RRP12: variants seen among roughly 807,000 people sequenced by gnomAD.
RRP12 encodes the protein ribosomal RNA processing 12 homolog.
RRP12 carries 78 observed loss-of-function variants against 157.3 expected under a neutral mutation model. The observed-to-expected ratio is 0.50, with a 90% CI of 0.41 to 0.60. The LOEUF is 0.60. RRP12 is among the 20% of genes least tolerant of loss of function. The pLI is 0.00. For missense variants in RRP12, 1,521 were observed against 1,679.9 expected, an observed-to-expected ratio of 0.91 and a Z score of 1.65; for synonymous variants, 726 against 670.9, an observed-to-expected ratio of 1.08 and a Z score of -1.27.
At chr10:97,371,248 C>G in intron 20 of RRP12, 167 bp from the exon 21 acceptor site, 2 of 709,642 alleles carry the variant, frequency 2.8e-6, no homozygotes, top group Non-Finnish European at 4.7e-6. Context: ...AACTCCTGGG[C>G]GAGGCACAGG....
In RRP12 at chr10:97,370,709, C is replaced by T. The variant is rs1455360436; in HGVS notation, c.2583+7G>A. 2 of 1,614,012 alleles carry T rather than the reference C, an allele frequency of 1.2e-6. No homozygotes were observed. Among genetic ancestry groups the T allele is most frequent in the African/African-American group, 1.3e-5 (1 of 75,034 alleles). ...GACCCCCCTCTAAAACACACCCGCA[C>T]ACTCACCTCTGGGATGAGGGCAGTG... On this transcript the variant is annotated splice_region_variant and intron_variant, in intron 22 of 33. Transcript: ENST00000370992.
At chr10:97,360,679 G>T in intron 30 of RRP12, 61 bp from the exon 31 acceptor site, 2 of 1,265,060 alleles carry the variant, frequency 1.6e-6, no homozygotes, top group Non-Finnish European at 2.3e-6. Flanking sequence ...CCTCGGGAAT[G>T]CCAACAGTAA....
intron 25 of RRP12, among the ~76,000 whole-genome samples, chr10:97,368,182 C>G (rs375702140): frequency 3.2e-4 from 48 of 151,446 alleles, no homozygotes; most frequent in East Asian, 1.8e-3. Flanking sequence ...AGGCGCGCAC[C>G]ACCATGCCTG....
In RRP12 at chr10:97,367,102, T is replaced by C. The variant is rs1844010244; in HGVS notation, c.2986A>G (p.Met996Val). 6.2e-7 allele frequency: 1 copy of C among 1,614,092 alleles called. No homozygotes were observed. The highest frequency in any genetic ancestry group is 1.7e-5 in the Admixed American group (1 of 60,004). Reference sequence around the variant, plus strand: ...AGCTTCATGCGGAAGTGCCGCCGCATGTCATCTGAAAGCTTCCCAATGGCT... The same window carrying C: ...AGCTTCATGCGGAAGTGCCGCCGCACGTCATCTGAAAGCTTCCCAATGGCT... ...MEAIGKLSDD[M>V]RRHFRMKLRN... The change falls in exon 26 of 34, where the codon ATG becomes GTG. Residue 996 changes from methionine to valine, a missense_variant. Met to Val is a conservative substitution (Grantham distance 21). Transcript: ENST00000370992.
At chr10:97,367,272 C>A in intron 25 of RRP12, 140 bp from the exon 26 acceptor site, 1 of 681,622 alleles carries the variant, frequency 1.5e-6, no homozygotes, top group Non-Finnish European at 2.5e-6. Flanking sequence ...GGCCCACACC[C>A]TGGCCCAGTC....
At position 97,366,821 on chromosome 10, in the gene RRP12, G is replaced by A. The variant is rs1263627467; in HGVS notation, c.3136C>T (p.Arg1046Ter). ...TCCACGGCAGCCTGGCTCAGGGCTCGGTGCCTCTTGGCCCGGGCCTCAGCT... is the reference window on the plus strand; with the variant it reads ...TCCACGGCAGCCTGGCTCAGGGCTCAGTGCCTCTTGGCCCGGGCCTCAGCT... ...RKAEARAKRH[R>*]ALSQAAVEEE... Residue 1046 changes from arginine (R) to a stop codon, truncating the protein, a stop_gained, in exon 27 of 34, where the codon CGA becomes TGA. Coordinates refer to ENST00000370992, the MANE Select transcript of RRP12 (RefSeq NM_015179.4). LOFTEE classifies it high-confidence loss of function. The A allele has an allele frequency of 3.1e-6, 5 of 1,614,114 alleles. No individual in the cohort carries two copies. The highest frequency in any genetic ancestry group is 3.4e-6 in the Non-Finnish European group (4 of 1,180,024).
rs546395817 is a variant in RRP12, at chr10:97,390,812, G to A, written c.563C>T (p.Ser188Phe). ...VPSPVLIKKF[S>F]DTSKAFMDIM... ...ATCCATGAAGGCTTTGGAGGTATCA[G>A]AGAACTTCTTAATAAGCACAGGGCT... Residue 188 changes from serine (S) to phenylalanine (F), a missense_variant, in exon 5 of 34, where the codon TCT becomes TTT. Transcript: ENST00000370992. The A allele has an allele frequency of 1.9e-5, 30 of 1,613,704 alleles. No homozygotes were observed. In the South Asian group the frequency reaches 3.1e-4, roughly 17 times the overall value.
intron 1 of RRP12, 70 bp from the exon 2 acceptor site, chr10:97,400,604 A>C (rs1845118718): frequency 1.5e-6 from 2 of 1,297,726 alleles, no homozygotes; most frequent in Non-Finnish European, 2.2e-6. Context: ...ACCCCTGGGA[A>C]ACAAACCAGC....
chr10:97,396,426 C>T, intron 2 of RRP12, 125 bp from the exon 3 acceptor site: 1 of 743,130 alleles, frequency 1.3e-6, no homozygotes, highest in Non-Finnish European at 2.4e-6. Context: ...AGACAGGCAA[C>T]ATTCAGGGCC....
intron 29 of RRP12, chr10:97,365,766 TAAAAAAA>T: frequency 5.8e-6 from 1 of 171,334 alleles, no homozygotes. Flanking sequence ...AAGTTTGCAT[TAAAAAAA>T]AAAAAAAAAG....
Position 97,358,608 on chromosome 10 carries a change from AC to A in RRP12, c.3719del (p.Gly1240ValfsTer3). 6.2e-7 allele frequency: 1 copy of A among 1,613,180 alleles called. No individual in the cohort carries two copies. The highest frequency in any genetic ancestry group is 8.5e-7 in the Non-Finnish European group (1 of 1,179,656). ...GAEYKAKKAK[G>X]DVKKKGRPDP... ...CCGGCCGGCCTTTCTTCTTCACATC[AC>A]CTTTTGCTTTCTGCTTGCCCAGAGA... On this transcript the variant is annotated frameshift_variant, in exon 33 of 34. Coordinates refer to ENST00000370992, the MANE Select transcript of RRP12 (RefSeq NM_015179.4). LOFTEE classifies it high-confidence loss of function.
intron 20 of RRP12, chr10:97,371,664 G>C (rs1844157943): frequency 5.2e-6 from 1 of 193,350 alleles, no homozygotes; most frequent in African/African-American, 2.3e-5. Flanking sequence ...GGCATTTCAA[G>C]CTGAGGACCC....
rs548342202 is a variant in RRP12 at position 97,395,850 on chromosome 10, CAA to C, written c.453+366_453+367del. 1.1e-3 allele frequency among the ~76,000 whole-genome samples: 118 copies of C among 105,354 alleles called. 1 individual carries two copies. The South Asian group carries it at 0.018, about 16-fold the overall frequency. The allele number at this position is 105,354 out of a possible 152,430, so 69.1% of individuals were successfully genotyped here. On this transcript the variant is annotated intron_variant, in intron 3 of 33. Coordinates refer to ENST00000370992, the MANE Select transcript of RRP12 (RefSeq NM_015179.4). ...TGGGCGACAGTGTGAGACTCCGCCT[CAA>C]AAAAAAAAAAAAAAAAAGTAATAAG...
chr10:97,370,316 C>A, intron 23 of RRP12, 42 bp from the exon 24 acceptor site: 1 of 1,483,622 alleles, frequency 6.7e-7, no homozygotes, highest in East Asian at 2.4e-5. Flanking sequence ...GAAGGACCCA[C>A]CAGGTAGGGG....
intron 8 of RRP12, 99 bp downstream of exon 8, chr10:97,388,153 G>A (rs1252197550): frequency 1.3e-6 from 2 of 1,504,396 alleles, no homozygotes; most frequent in Admixed American, 1.8e-5. Context: ...ACACAGTCAG[G>A]GAGGGAGACC....
chr10:97,368,346 T>C (rs1844048163), intron 25 of RRP12, among the ~76,000 whole-genome samples: 1 of 151,284 alleles, frequency 6.6e-6, no homozygotes. Flanking sequence ...CAACCACTCT[T>C]GGAAGGGCTT....
Position 97,359,372 on chromosome 10 carries a change from C to T in RRP12, c.3641-362G>A, listed in dbSNP as rs1426206878. On this transcript the variant is annotated intron_variant, in intron 31 of 33. Coordinates refer to ENST00000370992, the MANE Select transcript of RRP12 (RefSeq NM_015179.4). ...CAACTCCCAGCTCTGCCACTTACAG[C>T]TCCAACCTCAGGCAAGCCTCTTAAC... 4.6e-5 allele frequency among the ~76,000 whole-genome samples: 7 copies of T among 152,392 alleles called. No homozygotes were observed. In the East Asian group the frequency reaches 1.3e-3, roughly 29 times the overall value.
At chr10:97,393,610 C>A in intron 4 of RRP12, 74 bp downstream of exon 4, 2 of 1,124,408 alleles carry the variant, frequency 1.8e-6, no homozygotes, top group Non-Finnish European at 2.7e-6. Context: ...ATTCCCTGAT[C>A]CTGTTTCTCC....
intron 32 of RRP12, 60 bp from the exon 33 acceptor site, chr10:97,358,679 C>A: frequency 7.7e-7 from 1 of 1,292,894 alleles, no homozygotes. Context: ...TGTCCCTGCC[C>A]TAGACTTGAC....
Sources: allele counts gnomAD v4.1 joint callset (sites outside exome capture counted in the v4.1 genomes callset), GRCh38; gene constraint gnomAD v4.1.1; transcripts MANE v1.5; gene names NCBI Gene and HGNC (gene_info 2026-07-23, HGNC 2026-07-21).